RAVER2: variants seen among roughly 807,000 people sequenced by gnomAD.
RAVER2 encodes the protein ribonucleoprotein, PTB binding 2.
Under a neutral mutation model 78.1 loss-of-function variants are expected in RAVER2, and 46 were observed. That is an observed-to-expected ratio of 0.59 (90% CI 0.46 to 0.75). The LOEUF (loss-of-function observed/expected upper bound fraction) is 0.75. Ranked by LOEUF, RAVER2 falls within the 30% of genes least tolerant of loss-of-function variation. RAVER2 has a pLI of 0.00. For synonymous variants in RAVER2, 311 were observed against 313.3 expected (o/e 0.99, Z 0.08); for missense variants, 793 against 837.5 (o/e 0.95, Z 0.66).
intron 2 of RAVER2, among the ~76,000 whole-genome samples, chr1:64,770,043 C>G (rs748141764): frequency 2.0e-5 from 3 of 151,978 alleles, no homozygotes; most frequent in Admixed American, 1.3e-4. Flanking sequence ...ATGTAATTAT[C>G]ATGTGAATTT....
Position 64,745,550 on chromosome 1 carries a change from C to T in RAVER2, c.249+129C>T, listed in dbSNP as rs1651505598. The T allele has an allele frequency of 8.2e-7, 1 of 1,215,126 alleles. No individual in the cohort carries two copies. The highest frequency in any genetic ancestry group is 1.1e-6 in the Non-Finnish European group (1 of 937,356). 75.3% of individuals were successfully genotyped at this position (1,215,126 alleles called of 1,614,324 possible). A position where few individuals can be genotyped will look rare whatever the true frequency, so the allele number is the denominator to read the frequency against. On this transcript the variant is annotated intron_variant, in intron 1 of 11. Coordinates refer to ENST00000294428, the Ensembl canonical transcript of RAVER2. The surrounding 1 kb of genome is among the most constrained non-coding windows in gnomAD (Gnocchi z 4.3). The stretch of plus-strand genomic sequence containing the variant: ...GTCGGCGCCGAGTGGTGAGAGCGGC[C>T]CCTCGGTTTGACTGAGTTCTTGGGG...
At chr1:64,812,672 C>G (rs1653647064) in intron 9 of RAVER2, 66 bp from the exon 10 acceptor site, 1 of 1,021,418 alleles carries the variant, frequency 9.8e-7, no homozygotes, top group Non-Finnish European at 1.5e-6. Flanking sequence ...AAGTATTTCT[C>G]TATTCTTTAT....
intron 5 of RAVER2, among the ~76,000 whole-genome samples, chr1:64,791,771 A>G (rs1319216553): frequency 6.6e-6 from 1 of 152,184 alleles, no homozygotes; most frequent in Non-Finnish European, 1.5e-5. Context: ...CAGTTACTGG[A>G]AAGTTTTTAT....
intron 1 of RAVER2, among the ~76,000 whole-genome samples, chr1:64,748,941 G>A (rs1358614408): frequency 3.3e-5 from 5 of 152,074 alleles, no homozygotes; most frequent in African/African-American, 1.2e-4. Flanking sequence ...AGGCTGAAGC[G>A]ATTCTCTCAC....
chr1:64,803,919 T>TTCAGAGTATTGATAATA, intron 6 of RAVER2, among the ~76,000 whole-genome samples: 1 of 152,138 alleles, frequency 6.6e-6, no homozygotes, highest in East Asian at 1.9e-4. Flanking sequence ...AGAGGGGAAG[T>TTCAGAGTATTGATAATA]TCAGAGTATT....
intron 2 of RAVER2, 69 bp downstream of exon 2, chr1:64,768,791 C>A: frequency 2.0e-6 from 2 of 1,002,084 alleles, no homozygotes; most frequent in Non-Finnish European, 3.0e-6. Flanking sequence ...AACAAAAAAG[C>A]TCAGTGTCTT....
chr1:64,777,021 A>G (rs966268349), intron 2 of RAVER2, among the ~76,000 whole-genome samples: 1 of 152,168 alleles, frequency 6.6e-6, no homozygotes, highest in Admixed American at 6.5e-5. Flanking sequence ...TTATTCATCA[A>G]AAGTGTACCA....
intron 2 of RAVER2, among the ~76,000 whole-genome samples, chr1:64,773,255 A>T (rs749311153): frequency 3.8e-4 from 57 of 151,990 alleles, no homozygotes; most frequent in Non-Finnish European, 6.9e-4. Flanking sequence ...TGTTACATAG[A>T]TATACATGTG....
chr1:64,786,672 A>G (rs1464704848), intron 4 of RAVER2, among the ~76,000 whole-genome samples: 2 of 152,192 alleles, frequency 1.3e-5, no homozygotes, highest in Non-Finnish European at 2.9e-5. Flanking sequence ...AAGCACCTAT[A>G]ATCCCAACTA....
At chr1:64,747,210 A>C (rs753242606) in intron 1 of RAVER2, among the ~76,000 whole-genome samples, 1 of 152,170 alleles carries the variant, frequency 6.6e-6, no homozygotes, top group South Asian at 2.1e-4. Context: ...TAATATTTTC[A>C]TATGTTCTGC....
At chr1:64,812,045 A>G (rs992887469) in intron 9 of RAVER2, among the ~76,000 whole-genome samples, 2 of 152,162 alleles carry the variant, frequency 1.3e-5, no homozygotes, top group Non-Finnish European at 2.9e-5. Flanking sequence ...TAAAAATCTC[A>G]GTAAAAATAT....
intron 1 of RAVER2, among the ~76,000 whole-genome samples, chr1:64,750,503 GTC>G (rs1651670895): frequency 6.6e-6 from 1 of 151,734 alleles, no homozygotes; most frequent in Non-Finnish European, 1.5e-5. Context: ...TAGAGACACG[GTC>G]TCTCTATGTT....
chr1:64,766,454 A>G (rs1283926674), intron 1 of RAVER2, among the ~76,000 whole-genome samples: 2 of 152,180 alleles, frequency 1.3e-5, no homozygotes. Flanking sequence ...CAGGGCATGG[A>G]GAAAAATAAT....
chr1:64,820,158 C>T (rs1264714586), intron 11 of RAVER2, among the ~76,000 whole-genome samples: 9 of 151,892 alleles, frequency 5.9e-5, no homozygotes, highest in East Asian at 1.9e-4. Context: ...AGTTGTGGAA[C>T]GCATATTGTA....
chr1:64,770,058 C>T (rs1022908238), intron 2 of RAVER2, among the ~76,000 whole-genome samples: 4 of 151,894 alleles, frequency 2.6e-5, no homozygotes, highest in African/African-American at 7.3e-5. Context: ...GAATTTATTA[C>T]GATTAATGTA....
chr1:64,748,023 A>ATTT (rs1651590878), intron 1 of RAVER2, among the ~76,000 whole-genome samples: 1 of 152,162 alleles, frequency 6.6e-6, no homozygotes, highest in South Asian at 2.1e-4. Context: ...TTTTTGGTAT[A>ATTT]GCAGATTTAT....
chr1:64,794,381 A>G (rs12128922), intron 5 of RAVER2, among the ~76,000 whole-genome samples: 18,540 of 147,268 alleles, frequency 0.13, 1,431 homozygotes, highest in Admixed American at 0.22. Context: ...CTGGGTGACA[A>G]ATGGGGACTC....
chr1:64,777,586 A>G (rs1161266163), intron 2 of RAVER2, 37 bp from the exon 3 acceptor site: 3 of 1,509,150 alleles, frequency 2.0e-6, no homozygotes, highest in Admixed American at 1.9e-5. Context: ...TTTTCAAACA[A>G]TTTGAAAACT....
At chr1:64,777,330 C>G (rs984671460) in intron 2 of RAVER2, among the ~76,000 whole-genome samples, 4 of 151,938 alleles carry the variant, frequency 2.6e-5, no homozygotes, top group African/African-American at 9.7e-5. Context: ...CTACCAAAAA[C>G]CCCCCAGAAT....
Sources: gnomAD v4.1 joint callset for allele counts (sites outside exome capture counted in the v4.1 genomes callset) on GRCh38, gnomAD v4.1.1 for gene constraint, Gnocchi (gnomAD v3.1) non-coding constraint, MANE v1.5 for transcripts, NCBI Gene and HGNC (gene_info 2026-07-23, HGNC 2026-07-21) for gene names.